The following DENND2A variants were observed in gnomAD, a reference collection of about 807,000 sequenced individuals.
The protein encoded by DENND2A is DENN domain containing 2A, also known as DENN domain-containing protein 2A.
In DENND2A, 53 loss-of-function variants were observed where a neutral mutation model predicts 105.3. The ratio of observed to expected loss-of-function variants is 0.50; its 90% CI spans 0.40 to 0.63. DENND2A has a LOEUF of 0.63. Ranked by LOEUF, DENND2A falls within the 30% of genes least tolerant of loss-of-function variation. The pLI, the probability that DENND2A is intolerant of heterozygous loss-of-function variation, is 0.00. For missense variants in DENND2A, 1,138 were observed against 1,279.6 expected (o/e 0.89, Z 1.69); for synonymous variants, 522 against 508.4 (o/e 1.03, Z -0.36).
chr7:140,626,994 C>T (rs531160928), intron 1 of DENND2A, among the ~76,000 whole-genome samples: 7 of 152,278 alleles, frequency 4.6e-5, no homozygotes, highest in East Asian at 1.9e-4. Context: ...CCTTAGTTCT[C>T]GCCTCTGTAA....
In DENND2A at chr7:140,559,902, C is replaced by T; in HGVS notation, c.1780-85G>A. Reference sequence around the variant, plus strand: ...GGATGATGGTAAGGATGGCCTCTCCCACCTTTCCACATTTGTGACTGCCGC... The same window carrying T: ...GGATGATGGTAAGGATGGCCTCTCCTACCTTTCCACATTTGTGACTGCCGC... On this transcript the variant is annotated intron_variant, in intron 9 of 19. Coordinates refer to ENST00000496613, the MANE Select transcript of DENND2A (RefSeq NM_015689.5). The surrounding 1 kb of genome is among the most constrained non-coding windows in gnomAD (Gnocchi z 4.1). The T allele has an allele frequency of 1.0e-6, 1 of 979,780 alleles. No individual in the cohort carries two copies. The highest frequency in any genetic ancestry group is 1.4e-5 in the South Asian group (1 of 73,202). 60.7% of individuals were successfully genotyped at this position (979,780 alleles called of 1,614,324 possible). A position where few individuals can be genotyped will look rare whatever the true frequency, so the allele number is the denominator to read the frequency against.
chr7:140,588,478 G>A (rs898014606), intron 3 of DENND2A, among the ~76,000 whole-genome samples: 2 of 152,078 alleles, frequency 1.3e-5, no homozygotes, highest in African/African-American at 2.4e-5. Context: ...AGTCTAAAAG[G>A]CTTGTGACTA....
intron 12 of DENND2A, among the ~76,000 whole-genome samples, chr7:140,549,324 A>G (rs988514823): frequency 6.6e-6 from 1 of 151,844 alleles, no homozygotes; most frequent in Non-Finnish European, 1.5e-5. Context: ...GCAATGGCGC[A>G]ATCTTGGCTC....
At chr7:140,611,726 T>C (rs1799904400) in intron 1 of DENND2A, among the ~76,000 whole-genome samples, 1 of 152,116 alleles carries the variant, frequency 6.6e-6, no homozygotes, top group South Asian at 2.1e-4. Context: ...AGGCCACATA[T>C]TGTATGATTC....
chr7:140,620,503 A>G (rs1036549953), intron 1 of DENND2A, among the ~76,000 whole-genome samples: 10 of 152,050 alleles, frequency 6.6e-5, no homozygotes, highest in African/African-American at 2.4e-4. Flanking sequence ...TCTAACAACA[A>G]CCACCCCCCC....
chr7:140,563,811 G>A (rs1004106415), intron 9 of DENND2A, among the ~76,000 whole-genome samples: 3 of 150,606 alleles, frequency 2.0e-5, no homozygotes, highest in East Asian at 2.0e-4. Context: ...TCGTCTCTAC[G>A]AAAAATAAAT....
intron 1 of DENND2A, among the ~76,000 whole-genome samples, chr7:140,633,421 C>T (rs7793009): frequency 0.056 from 8,475 of 152,156 alleles, 724 homozygotes; most frequent in African/African-American, 0.19. Flanking sequence ...GCCCAAAGTG[C>T]TAGAATTACA....
At chr7:140,594,906 G>A (rs1253274413) in intron 3 of DENND2A, among the ~76,000 whole-genome samples, 1 of 151,924 alleles carries the variant, frequency 6.6e-6, no homozygotes, top group Non-Finnish European at 1.5e-5. Context: ...AGTAGAGATG[G>A]GGTTGCACCA....
At chr7:140,561,669 A>ATT (rs1242616480) in intron 9 of DENND2A, among the ~76,000 whole-genome samples, 39 of 94,414 alleles carry the variant, frequency 4.1e-4, no homozygotes, top group African/African-American at 8.8e-4. Flanking sequence ...ACACCTAGCT[A>ATT]TTTTTTTTTT....
rs1796125357 is a variant in DENND2A at position 140,527,968 on chromosome 7, G to A, written c.2328-473C>T. ...CAATTCTCCCACCTCGGCCTCCTGA[G>A]TAGCTGGGACTGCAGGCACGCGCCA... On this transcript the variant is annotated intron_variant, in intron 14 of 19. Coordinates refer to ENST00000496613, the MANE Select transcript of DENND2A (RefSeq NM_015689.5). The surrounding 1 kb of genome is among the most constrained non-coding windows in gnomAD (Gnocchi z 4.9). 6.6e-6 allele frequency among the ~76,000 whole-genome samples: 1 copy of A among 151,958 alleles called. No homozygotes were observed. The highest frequency in any genetic ancestry group is 6.6e-5 in the Admixed American group (1 of 15,222).
chr7:140,624,430 A>G (rs1800428113), intron 1 of DENND2A, among the ~76,000 whole-genome samples: 1 of 152,242 alleles, frequency 6.6e-6, no homozygotes, highest in Admixed American at 6.5e-5. Flanking sequence ...AGGCCCCTCA[A>G]CACCAACACA....
chr7:140,594,054 C>T (rs1030026264), intron 3 of DENND2A, among the ~76,000 whole-genome samples: 4 of 151,988 alleles, frequency 2.6e-5, no homozygotes, highest in African/African-American at 9.7e-5. Flanking sequence ...TACAGGCACC[C>T]ACCATCCATG....
chr7:140,544,770 C>A lies in DENND2A; in HGVS notation c.2179-4G>T, dbSNP rs1270618166. ...GCGGGCGGCACAGTTCGATCACCTG[C>A]CAGGGAACAGGAGCAGCCATGAAGG... On this transcript the variant is annotated splice_region_variant and splice_polypyrimidine_tract_variant and intron_variant, in intron 13 of 19. Coordinates refer to ENST00000496613, the MANE Select transcript of DENND2A (RefSeq NM_015689.5). The A allele has an allele frequency of 1.0e-5, 16 of 1,568,070 alleles. No individual in the cohort carries two copies. The highest frequency in any genetic ancestry group is 5.8e-5 in the Admixed American group (3 of 52,086).
At chr7:140,609,144 A>G (rs1467849719) in intron 1 of DENND2A, among the ~76,000 whole-genome samples, 2 of 152,204 alleles carry the variant, frequency 1.3e-5, no homozygotes, top group African/African-American at 2.4e-5. Context: ...ATTGATAGTA[A>G]TAACACATTT....
At chr7:140,636,682 G>GC in intron 1 of DENND2A, among the ~76,000 whole-genome samples, 2 of 134,626 alleles carry the variant, frequency 1.5e-5, no homozygotes, top group Non-Finnish European at 3.1e-5. Context: ...TCCCTCCCCA[G>GC]CCTTTTTTTT....
intron 14 of DENND2A, among the ~76,000 whole-genome samples, chr7:140,542,253 C>T (rs976128679): frequency 6.6e-6 from 1 of 152,176 alleles, no homozygotes; most frequent in Non-Finnish European, 1.5e-5. Context: ...AAGCTCAGAA[C>T]GAACCCAAGT....
rs1360115942 is a variant in DENND2A at position 140,565,872 on chromosome 7, C to T, written c.1779+1214G>A. On this transcript the variant is annotated intron_variant, in intron 9 of 19. Coordinates refer to ENST00000496613, the MANE Select transcript of DENND2A (RefSeq NM_015689.5). ...AAACCAAGATGGTGATGAGAGTGAC[C>T]TCTGGTAGTCCTCACTGCTACACTC... is the stretch of plus-strand genomic sequence containing the variant. 2.0e-5 allele frequency among the ~76,000 whole-genome samples: 3 copies of T among 152,112 alleles called. No individual in the cohort carries two copies. In the East Asian group the frequency reaches 5.8e-4, roughly 29 times the overall value.
At chr7:140,547,074 C>G in intron 12 of DENND2A, 135 bp from the exon 13 acceptor site, 1 of 1,133,874 alleles carries the variant, frequency 8.8e-7, no homozygotes. Flanking sequence ...GAGGCCAAAA[C>G]AGGCCCTTTG....
At chr7:140,590,176 G>A (rs1390824589) in intron 3 of DENND2A, among the ~76,000 whole-genome samples, 1 of 152,090 alleles carries the variant, frequency 6.6e-6, no homozygotes, top group Admixed American at 6.6e-5. Context: ...GATCACTTGA[G>A]GTTGGGGGTT....
Sources: allele counts gnomAD v4.1 joint callset (sites outside exome capture counted in the v4.1 genomes callset), GRCh38; gene constraint gnomAD v4.1.1; non-coding constraint Gnocchi (gnomAD v3.1); transcripts MANE v1.5; gene names NCBI Gene and HGNC (gene_info 2026-07-23, HGNC 2026-07-21).